The following XRCC4 variants were observed in gnomAD, a reference collection of about 807,000 sequenced individuals.
The protein encoded by XRCC4 is X-ray repair cross complementing 4, also known as DNA repair protein XRCC4.
In XRCC4, 28 loss-of-function variants were observed where a neutral mutation model predicts 39.1. The observed-to-expected ratio is 0.72, with a 90% CI of 0.53 to 0.98. XRCC4 has a LOEUF of 0.98. Ranked by LOEUF, XRCC4 falls within the 50% of genes least tolerant of loss-of-function variation. The pLI, the probability that XRCC4 is intolerant of heterozygous loss-of-function variation, is 0.00. For missense variants in XRCC4, 350 were observed against 376.4 expected (o/e 0.93, Z 0.58); for synonymous variants, 123 against 126.4 (o/e 0.97, Z 0.18).
chr5:83,196,105 A>G (rs1468840831), intron 4 of XRCC4, among the ~76,000 whole-genome samples, 169 bp downstream of exon 4: 1 of 152,158 alleles, frequency 6.6e-6, no homozygotes, highest in Non-Finnish European at 1.5e-5. Context: ...ATATTATAGG[A>G]ATACATTAAT....
At chr5:83,281,790 C>A (rs917273197) in intron 7 of XRCC4, among the ~76,000 whole-genome samples, 1 of 152,198 alleles carries the variant, frequency 6.6e-6, no homozygotes, top group African/African-American at 2.4e-5. Context: ...TGTTGTCTGA[C>A]TACCTTTGCC....
intron 3 of XRCC4, among the ~76,000 whole-genome samples, chr5:83,172,923 C>A (rs925508580): frequency 1.3e-5 from 2 of 151,984 alleles, no homozygotes; most frequent in Non-Finnish European, 2.9e-5. Flanking sequence ...TTTTCAGTGG[C>A]TGTTCTTAGT....
chr5:83,248,981 T>C (rs1753211667), intron 6 of XRCC4, among the ~76,000 whole-genome samples: 1 of 152,158 alleles, frequency 6.6e-6, no homozygotes, highest in Non-Finnish European at 1.5e-5. Flanking sequence ...CAATACTAAC[T>C]TAAAAGTGCT....
chr5:83,146,981 A>G (rs1748485007), intron 3 of XRCC4, among the ~76,000 whole-genome samples: 2 of 152,222 alleles, frequency 1.3e-5, no homozygotes, highest in South Asian at 4.1e-4. Flanking sequence ...AAAGCAGTTA[A>G]TCATACTGAA....
At position 83,214,830 on chromosome 5, in the gene XRCC4, C is replaced by G. The variant is rs1307380111; in HGVS notation, c.745+9909C>G. Among the ~76,000 whole-genome samples the G allele has an allele frequency of 4.2e-5, 5 of 120,166 alleles. No individual in the cohort carries two copies. The Admixed American group carries it at 4.9e-4, about 12-fold the overall frequency. 78.8% of individuals were successfully genotyped at this position (120,166 alleles called of 152,430 possible). On this transcript the variant is annotated intron_variant, in intron 6 of 7. Transcript: ENST00000396027. ...CCAGCCTGGGCGACAGAGCAAGACT[C>G]CTTCTCAAAAAAAAAAAATAATAAT... is the stretch of plus-strand genomic sequence containing the variant.
intron 1 of XRCC4, among the ~76,000 whole-genome samples, chr5:83,080,303 G>C (rs937793868): frequency 6.6e-6 from 1 of 152,128 alleles, no homozygotes; most frequent in Non-Finnish European, 1.5e-5. Context: ...AAGGCGGGCA[G>C]ATCACTTGAG....
intron 5 of XRCC4, 91 bp from the exon 6 acceptor site, chr5:83,204,724 A>G: frequency 1.2e-6 from 1 of 831,052 alleles, no homozygotes; most frequent in Non-Finnish European, 1.8e-6. Flanking sequence ...ATCTTTTTCT[A>G]GGAATATTTT....
intron 7 of XRCC4, among the ~76,000 whole-genome samples, chr5:83,340,614 A>G (rs543865208): frequency 7.4e-6 from 1 of 134,946 alleles, no homozygotes; most frequent in African/African-American, 2.5e-5. Context: ...TGGCCTCTAC[A>G]AGCTAAAAAA....
chr5:83,214,571 C>G (rs977050989), intron 6 of XRCC4, among the ~76,000 whole-genome samples: 1 of 151,740 alleles, frequency 6.6e-6, no homozygotes, highest in African/African-American at 2.4e-5. Context: ...GGTGGCTCAC[C>G]CCTGTAATCC....
chr5:83,142,547 T>A (rs1439109878), intron 3 of XRCC4, among the ~76,000 whole-genome samples: 1 of 152,182 alleles, frequency 6.6e-6, no homozygotes, highest in African/African-American at 2.4e-5. Context: ...AGGTATAAAA[T>A]TGGGAGGGCC....
At chr5:83,143,765 AT>A (rs1349177826) in intron 3 of XRCC4, among the ~76,000 whole-genome samples, 15 of 147,642 alleles carry the variant, frequency 1.0e-4, no homozygotes, top group Admixed American at 3.4e-4. Context: ...TCTCGTCTCC[AT>A]TTTTTTTTCT....
At chr5:83,132,298 G>C (rs150248628) in intron 3 of XRCC4, among the ~76,000 whole-genome samples, 3,830 of 152,076 alleles carry the variant, frequency 0.025, 77 homozygotes, top group East Asian at 0.072. Context: ...ACCTTTCTAT[G>C]TGGCTGCCCT....
chr5:83,316,078 G>C (rs1580503305), intron 7 of XRCC4, among the ~76,000 whole-genome samples: 1 of 152,124 alleles, frequency 6.6e-6, no homozygotes, highest in Non-Finnish European at 1.5e-5. Context: ...ACAGGAGTTT[G>C]GGAGAAGTTG....
chr5:83,313,937 T>C, intron 7 of XRCC4, among the ~76,000 whole-genome samples: 2 of 131,706 alleles, frequency 1.5e-5, no homozygotes, highest in African/African-American at 3.5e-5. Flanking sequence ...TAATGTTGTA[T>C]GTTATTTAAT....
chr5:83,185,061 T>G (rs1012093816), intron 3 of XRCC4, among the ~76,000 whole-genome samples: 3 of 152,046 alleles, frequency 2.0e-5, no homozygotes, highest in African/African-American at 4.8e-5. Context: ...ATACTATAAT[T>G]GTTTTGATAC....
intron 6 of XRCC4, among the ~76,000 whole-genome samples, chr5:83,245,696 A>G (rs138268730): frequency 1.8e-4 from 28 of 152,226 alleles, no homozygotes; most frequent in African/African-American, 6.0e-4. Flanking sequence ...AAAAGCAACT[A>G]TGTATAGTGT....
intron 7 of XRCC4, among the ~76,000 whole-genome samples, chr5:83,283,252 A>G (rs145012402): frequency 7.6e-4 from 116 of 152,278 alleles, no homozygotes; most frequent in African/African-American, 2.6e-3. Context: ...CTCATTTTAC[A>G]TTTGAAGAAA....
intron 7 of XRCC4, among the ~76,000 whole-genome samples, chr5:83,313,612 ACT>A (rs917178001): frequency 2.4e-4 from 37 of 151,974 alleles, no homozygotes; most frequent in African/African-American, 8.4e-4. Flanking sequence ...CCCAACACTA[ACT>A]CTGCTCCAGC....
chr5:83,214,693 C>T (rs557535418), intron 6 of XRCC4, among the ~76,000 whole-genome samples: 29 of 151,632 alleles, frequency 1.9e-4, no homozygotes, highest in African/African-American at 6.3e-4. Flanking sequence ...AAAAATTAGC[C>T]GGGCATCGTG....
Sources: allele counts gnomAD v4.1 joint callset (sites outside exome capture counted in the v4.1 genomes callset), GRCh38; gene constraint gnomAD v4.1.1; transcripts MANE v1.5; gene names NCBI Gene and HGNC (gene_info 2026-07-23, HGNC 2026-07-21).